The following MAGI1 variants were observed in gnomAD, a reference collection of about 807,000 sequenced individuals.
MAGI1 encodes membrane-associated guanylate kinase, WW and PDZ domain-containing protein 1.
A neutral mutation model predicts 139.9 loss-of-function variants in MAGI1; 58 were observed. The ratio of observed to expected loss-of-function variants is 0.41; its 90% CI spans 0.34 to 0.52. The LOEUF (loss-of-function observed/expected upper bound fraction) is 0.52. MAGI1 is among the 20% of genes least tolerant of loss of function. MAGI1 has a pLI of 0.12. For missense variants in MAGI1, 1,874 were observed against 1,901.6 expected (o/e 0.99, Z 0.27); for synonymous variants, 812 against 737.9 (o/e 1.10, Z -1.63).
At chr3:65,610,566 T>C (rs889483770) in intron 2 of MAGI1, among the ~76,000 whole-genome samples, 2 of 151,526 alleles carry the variant, frequency 1.3e-5, no homozygotes, top group Non-Finnish European at 1.5e-5. Flanking sequence ...CTTGAGACTG[T>C]GTAAAGCCAT....
chr3:65,844,687 GT>G (rs1433623983), intron 1 of MAGI1, among the ~76,000 whole-genome samples: 1 of 152,130 alleles, frequency 6.6e-6, no homozygotes, highest in Non-Finnish European at 1.5e-5. Flanking sequence ...AGTTCTCAAA[GT>G]GCAGCTTAAA....
chr3:65,872,157 A>G (rs1345906199), intron 1 of MAGI1, among the ~76,000 whole-genome samples: 1 of 152,190 alleles, frequency 6.6e-6, no homozygotes, highest in Non-Finnish European at 1.5e-5. Flanking sequence ...ACATTAGCAC[A>G]ATGACTAGCA....
At chr3:65,390,178 T>C (rs971803383) in intron 14 of MAGI1, among the ~76,000 whole-genome samples, 1 of 152,166 alleles carries the variant, frequency 6.6e-6, no homozygotes, top group Non-Finnish European at 1.5e-5. Context: ...TGCTGAGCAG[T>C]GACCACATTT....
At chr3:65,976,076 G>A (rs2065250478) in intron 1 of MAGI1, among the ~76,000 whole-genome samples, 1 of 152,082 alleles carries the variant, frequency 6.6e-6, no homozygotes, top group South Asian at 2.1e-4. Context: ...TTTCATCCCA[G>A]TTCTACTCTG....
chr3:65,594,890 A>G (rs1342024028), intron 2 of MAGI1, among the ~76,000 whole-genome samples: 1 of 152,168 alleles, frequency 6.6e-6, no homozygotes, highest in African/African-American at 2.4e-5. Flanking sequence ...AGTGTCTCCC[A>G]AATTCTATTC....
chr3:65,373,306 G>C (rs1029991538), intron 18 of MAGI1, among the ~76,000 whole-genome samples: 2 of 152,156 alleles, frequency 1.3e-5, no homozygotes, highest in Non-Finnish European at 2.9e-5. Flanking sequence ...CCAGTCAGTG[G>C]AGCAGTCAGA....
intron 5 of MAGI1, among the ~76,000 whole-genome samples, chr3:65,459,621 TAAC>T (rs1559572808): frequency 2.0e-5 from 3 of 152,196 alleles, no homozygotes; most frequent in African/African-American, 7.2e-5. Context: ...TCTTGAACTA[TAAC>T]CCTGGCTAGA....
rs181177526 is a variant in MAGI1, at chr3:65,391,903, C to T, written c.2200-545G>A. On this transcript the variant is annotated intron_variant, in intron 13 of 22. Coordinates refer to ENST00000402939, the MANE Select transcript of MAGI1 (RefSeq NM_001033057.2). Reference sequence around the variant, plus strand: ...AGGTCAGATCTTTTAAAAATCATGCCTAGTATTATATGTTTACTGGTATTT... The same window carrying T: ...AGGTCAGATCTTTTAAAAATCATGCTTAGTATTATATGTTTACTGGTATTT... Among the ~76,000 whole-genome samples, 250 of 152,140 alleles carry T rather than the reference C, an allele frequency of 1.6e-3. 1 individual carries two copies. Among genetic ancestry groups the T allele is most frequent in the Non-Finnish European group, 3.2e-3 (219 of 68,008 alleles).
chr3:65,476,208 C>T (rs1372439335), intron 4 of MAGI1, among the ~76,000 whole-genome samples: 1 of 152,070 alleles, frequency 6.6e-6, no homozygotes, highest in African/African-American at 2.4e-5. Flanking sequence ...TGTCAGCTGT[C>T]GCAGGTACAC....
chr3:65,730,632 T>G (rs2034089472), intron 1 of MAGI1, among the ~76,000 whole-genome samples: 1 of 152,074 alleles, frequency 6.6e-6, no homozygotes, highest in African/African-American at 2.4e-5. Context: ...TTGCCTGAGA[T>G]CAAGTAATTG....
chr3:65,785,066 TA>T (rs2039274255), intron 1 of MAGI1, among the ~76,000 whole-genome samples: 1 of 152,236 alleles, frequency 6.6e-6, no homozygotes, highest in South Asian at 2.1e-4. Flanking sequence ...GTGTATCTAT[TA>T]AAAATACTAA....
At chr3:65,714,531 T>G (rs533986670) in intron 1 of MAGI1, among the ~76,000 whole-genome samples, 2 of 152,100 alleles carry the variant, frequency 1.3e-5, no homozygotes, top group Non-Finnish European at 2.9e-5. Context: ...CTCATGCCAC[T>G]TGTTGTGCTG....
chr3:65,844,055 C>T, intron 1 of MAGI1: 1 of 429,836 alleles, frequency 2.3e-6, no homozygotes, highest in Non-Finnish European at 4.5e-6. Context: ...TTGACAGAAG[C>T]AATGTGTGCC....
At chr3:65,714,106 G>T (rs924497780) in intron 1 of MAGI1, among the ~76,000 whole-genome samples, 1 of 152,168 alleles carries the variant, frequency 6.6e-6, no homozygotes, top group Non-Finnish European at 1.5e-5. Context: ...GCACTGGGTT[G>T]ACGTAAGGGT....
chr3:65,860,178 C>T (rs143881455), intron 1 of MAGI1, among the ~76,000 whole-genome samples: 2 of 152,188 alleles, frequency 1.3e-5, no homozygotes, highest in African/African-American at 4.8e-5. Flanking sequence ...TTACAGGTGT[C>T]AGCCACCGCA....
At chr3:65,794,068 G>C (rs1165074402) in intron 1 of MAGI1, among the ~76,000 whole-genome samples, 1 of 152,058 alleles carries the variant, frequency 6.6e-6, no homozygotes, top group East Asian at 1.9e-4. Flanking sequence ...TACAGAACAC[G>C]ACTCGACCTG....
At chr3:65,693,234 T>A (rs1398270825) in intron 1 of MAGI1, among the ~76,000 whole-genome samples, 1 of 152,196 alleles carries the variant, frequency 6.6e-6, no homozygotes. Flanking sequence ...TGTGAATCAC[T>A]GCGCCTGGCC....
chr3:65,413,671 T>A (rs566415756), intron 12 of MAGI1, among the ~76,000 whole-genome samples: 1 of 152,308 alleles, frequency 6.6e-6, no homozygotes, highest in South Asian at 2.1e-4. Flanking sequence ...AGGAGACGCT[T>A]GGGCTTTGTT....
chr3:65,665,916 T>C (rs962878507), intron 1 of MAGI1, among the ~76,000 whole-genome samples: 2 of 152,332 alleles, frequency 1.3e-5, no homozygotes, highest in African/African-American at 4.8e-5. Flanking sequence ...TAAATCTGTA[T>C]ACCATAGAGC....
Sources: allele counts gnomAD v4.1 joint callset (sites outside exome capture counted in the v4.1 genomes callset), GRCh38; gene constraint gnomAD v4.1.1; transcripts MANE v1.5; gene names NCBI Gene and HGNC (gene_info 2026-07-23, HGNC 2026-07-21).